GPC5: variants seen among roughly 807,000 people sequenced by gnomAD.
GPC5 encodes the protein glypican-5.
Under a neutral mutation model 53.9 loss-of-function variants are expected in GPC5, and 47 were observed. The ratio of observed to expected loss-of-function variants is 0.87; its 90% CI spans 0.69 to 1.11. GPC5 has a LOEUF of 1.11. Among genes scored for constraint, GPC5 ranks in the 50% most tolerant of loss-of-function variants. The probability of loss-of-function intolerance (pLI) is 0.00; values close to 1 mark genes in which losing one functional copy is unlikely to be tolerated. For synonymous variants in GPC5, 286 were observed against 263.3 expected, an observed-to-expected ratio of 1.09 and a Z score of -0.84; for missense variants, 748 against 713.1, an observed-to-expected ratio of 1.05 and a Z score of -0.56.
chr13:92,734,233 A>G (rs986374848), intron 7 of GPC5, among the ~76,000 whole-genome samples: 4 of 151,716 alleles, frequency 2.6e-5, no homozygotes, highest in African/African-American at 7.2e-5. Context: ...GACTCTTAAC[A>G]TTTTCAGACT....
At chr13:92,343,050 GAA>G (rs1273724481) in intron 7 of GPC5, among the ~76,000 whole-genome samples, 2 of 152,134 alleles carry the variant, frequency 1.3e-5, no homozygotes. Context: ...GATAATACAT[GAA>G]ACTATACCAT....
At chr13:92,183,753 G>C (rs1398571959) in intron 7 of GPC5, among the ~76,000 whole-genome samples, 5 of 151,970 alleles carry the variant, frequency 3.3e-5, no homozygotes, top group Non-Finnish European at 7.4e-5. Flanking sequence ...TTTAAATCAA[G>C]TTTTATGATG....
chr13:91,658,622 C>A (rs2034906290), intron 2 of GPC5, among the ~76,000 whole-genome samples: 1 of 152,108 alleles, frequency 6.6e-6, no homozygotes, highest in South Asian at 2.1e-4. Context: ...GTTTAATGAG[C>A]TCCCTGTTTA....
intron 5 of GPC5, among the ~76,000 whole-genome samples, chr13:91,828,702 A>G (rs2038612121): frequency 6.6e-6 from 1 of 152,068 alleles, no homozygotes; most frequent in Non-Finnish European, 1.5e-5. Flanking sequence ...AAATGTACAC[A>G]CCTGGCACAA....
intron 7 of GPC5, among the ~76,000 whole-genome samples, chr13:92,676,228 G>A (rs1280377016): frequency 5.3e-5 from 8 of 152,130 alleles, no homozygotes; most frequent in African/African-American, 1.9e-4. Context: ...CCAATGCCAT[G>A]AGTATAATTT....
intron 7 of GPC5, among the ~76,000 whole-genome samples, chr13:92,328,769 T>C (rs947800506): frequency 1.5e-4 from 23 of 152,304 alleles, no homozygotes; most frequent in Middle Eastern, 6.8e-3. Context: ...GTTCTGCACC[T>C]GTACCTATTT....
chr13:92,345,916 C>G (rs1435265630), intron 7 of GPC5, among the ~76,000 whole-genome samples: 3 of 152,168 alleles, frequency 2.0e-5, no homozygotes, highest in Non-Finnish European at 4.4e-5. Context: ...CTTGACAGCT[C>G]AATCAGTGAT....
At chr13:91,528,414 G>A (rs1886184959) in intron 2 of GPC5, among the ~76,000 whole-genome samples, 1 of 152,152 alleles carries the variant, frequency 6.6e-6, no homozygotes, top group Admixed American at 6.5e-5. Flanking sequence ...AGTGACCTTT[G>A]CTCCAATTCT....
At chr13:91,742,665 T>C (rs553018233) in intron 4 of GPC5, among the ~76,000 whole-genome samples, 1 of 152,302 alleles carries the variant, frequency 6.6e-6, no homozygotes, top group East Asian at 1.9e-4. Flanking sequence ...CTGGAAATTA[T>C]AGAAAACGTA....
At chr13:91,928,595 C>T (rs376106904) in intron 6 of GPC5, among the ~76,000 whole-genome samples, 1 of 152,064 alleles carries the variant, frequency 6.6e-6, no homozygotes, top group African/African-American at 2.4e-5. Flanking sequence ...TAACTGTGCC[C>T]AGGGCTTTAA....
intron 2 of GPC5, among the ~76,000 whole-genome samples, chr13:91,537,031 A>G (rs1321665617): frequency 6.6e-6 from 1 of 152,214 alleles, no homozygotes; most frequent in East Asian, 1.9e-4. Flanking sequence ...ACCAAAACTT[A>G]TTGGATACAG....
chr13:91,671,675 C>T (rs150456039), intron 2 of GPC5, among the ~76,000 whole-genome samples: 43 of 148,054 alleles, frequency 2.9e-4, no homozygotes, highest in Middle Eastern at 3.5e-3. Flanking sequence ...AGATTCAATG[C>T]TATTCCCATC....
intron 5 of GPC5, among the ~76,000 whole-genome samples, chr13:91,845,739 G>A (rs1308459538): frequency 2.6e-5 from 4 of 152,148 alleles, no homozygotes; most frequent in African/African-American, 9.7e-5. Flanking sequence ...CCGTGTCTGA[G>A]TGCCTTTCCT....
intron 2 of GPC5, among the ~76,000 whole-genome samples, chr13:91,606,283 C>G (rs1303652192): frequency 6.7e-6 from 1 of 150,304 alleles, no homozygotes; most frequent in Non-Finnish European, 1.5e-5. Flanking sequence ...ATTGAACCAG[C>G]CTTGCATCCC....
chr13:92,476,759 T>C lies in GPC5; in HGVS notation c.1561+331770T>C, dbSNP rs930281551. ...GTCCTTTGTAGGGACATGGATGAAA[T>C]TGGAAATCATCATTCTCAGTAAACT... is the stretch of plus-strand genomic sequence containing the variant. On this transcript the variant is annotated intron_variant, in intron 7 of 7. Coordinates refer to ENST00000377067, the MANE Select transcript of GPC5 (RefSeq NM_004466.6). Among the ~76,000 whole-genome samples, 18 of 148,244 alleles carry C rather than the reference T, an allele frequency of 1.2e-4. 1 individual carries two copies. The highest frequency in any genetic ancestry group is 3.5e-4 in the African/African-American group (14 of 39,498).
At chr13:91,516,525 C>G (rs550423930) in intron 2 of GPC5, among the ~76,000 whole-genome samples, 5 of 152,188 alleles carry the variant, frequency 3.3e-5, no homozygotes, top group Admixed American at 3.3e-4. Flanking sequence ...TTGCAGGGTA[C>G]AGCCTCTCTC....
At chr13:92,680,968 T>C (rs1887093543) in intron 7 of GPC5, among the ~76,000 whole-genome samples, 1 of 152,050 alleles carries the variant, frequency 6.6e-6, no homozygotes, top group Admixed American at 6.6e-5. Context: ...ATTTAATTCA[T>C]CTTCTTCCTC....
intron 2 of GPC5, among the ~76,000 whole-genome samples, chr13:91,452,448 C>T (rs1191920967): frequency 1.3e-5 from 2 of 152,074 alleles, no homozygotes; most frequent in Non-Finnish European, 2.9e-5. Context: ...GGAATGTTGG[C>T]TTTGTCACAG....
intron 3 of GPC5, among the ~76,000 whole-genome samples, chr13:91,717,862 A>G (rs936553924): frequency 1.3e-5 from 2 of 151,370 alleles, no homozygotes; most frequent in African/African-American, 4.9e-5. Context: ...GCCTGCTTGC[A>G]CATTTTAAAC....
Sources: allele counts gnomAD v4.1 joint callset (sites outside exome capture counted in the v4.1 genomes callset), GRCh38; gene constraint gnomAD v4.1.1; transcripts MANE v1.5; gene names NCBI Gene and HGNC (gene_info 2026-07-23, HGNC 2026-07-21).